The following IRX1 variants were observed in gnomAD, a reference collection of about 807,000 sequenced individuals.
The protein encoded by IRX1 is iroquois homeobox 1, also known as iroquois-class homeodomain protein IRX-1.
A neutral mutation model predicts 34.1 loss-of-function variants in IRX1; 22 were observed. That is an observed-to-expected ratio of 0.64 (90% CI 0.46 to 0.92). The LOEUF (loss-of-function observed/expected upper bound fraction) is 0.92, where lower values mean the gene tolerates loss of function less well. Among genes scored for constraint, IRX1 ranks in the 40% least tolerant of loss-of-function variants. The pLI is 0.00. For missense variants in IRX1, 758 were observed against 680.0 expected (o/e 1.11, Z -1.28); for synonymous variants, 363 against 319.0 (o/e 1.14, Z -1.47).
Position 3,599,168 on chromosome 5 carries a change from CTT to C in IRX1, c.277-55_277-54del. The C allele has an allele frequency of 1.3e-6, 2 of 1,525,978 alleles. No homozygotes were observed. Among genetic ancestry groups the C allele is most frequent in the African/African-American group, 1.4e-5 (1 of 72,916 alleles). The allele number at this position is 1,525,978 out of a possible 1,614,324, so 94.5% of individuals were successfully genotyped here. A position where few individuals can be genotyped will look rare whatever the true frequency, so the allele number is the denominator to read the frequency against. On this transcript the variant is annotated intron_variant, in intron 1 of 3. Transcript: ENST00000302006. The surrounding 1 kb of genome is among the most constrained non-coding windows in gnomAD (Gnocchi z 6.6). Reference sequence around the variant, plus strand: ...GACTCATGTCTCTCTCTCTCTCTCCCTTTCTCTCTCCACTTCCCTCCTCTCTC... The same window carrying C: ...GACTCATGTCTCTCTCTCTCTCTCCCTCTCTCTCCACTTCCCTCCTCTCTC...
Position 3,600,652 on chromosome 5 carries a change from A to G in IRX1, c.1356A>G (p.Leu452=). Residue 452 remains leucine (L), a synonymous_variant, in exon 3 of 4, where the codon TTA becomes TTG. Coordinates refer to ENST00000302006, the MANE Select transcript of IRX1 (RefSeq NM_024337.4). ...GGCCAGATTCGCCGGCACAGCAGTT[A>G]AAGTCGCCCTTCCAGCCGGTACGCG... is the stretch of plus-strand genomic sequence containing the variant. The part of the protein sequence containing the change: ...VPRPDSPAQQ[L]KSPFQPVRDN... The G allele has an allele frequency of 6.2e-7, 1 of 1,613,814 alleles. No individual in the cohort carries two copies. The highest frequency in any genetic ancestry group is 8.5e-7 in the Non-Finnish European group (1 of 1,179,958).
Position 3,599,565 on chromosome 5 carries a change from T to G in IRX1, c.617T>G (p.Phe206Cys), listed in dbSNP as rs1733896665. The G allele has an allele frequency of 6.2e-7, 1 of 1,613,708 alleles. No individual in the cohort carries two copies. The highest frequency in any genetic ancestry group is 8.5e-7 in the Non-Finnish European group (1 of 1,179,938). ...AAGGACCAGGAAGATGGAGCGCTCT[T>G]CGGCAGCGACACCGAGGGCGACCCG... ...RSKDQEDGALFGSDTEGDPEK... is the reference protein window; with the variant it reads ...RSKDQEDGALCGSDTEGDPEK... The change falls in exon 2 of 4, where the codon TTC (phenylalanine) becomes TGC (cysteine). Residue 206 changes from phenylalanine to cysteine, a missense_variant. This residue lies in a region of IRX1 where 529 missense variants were observed against 418.8 expected (regional missense o/e 1.26). Transcript: ENST00000302006. The surrounding 1 kb of genome is among the most constrained non-coding windows in gnomAD (Gnocchi z 6.6).
rs1250835220 is a variant in IRX1, at chr5:3,600,253, G to C, written c.1305G>C (p.Thr435=). ...AGGCCTCGGTCCGCAGCAGCCCCACGCTCCCAGGTACAGCTCCAGGCCGCG... is the reference window on the plus strand; with the variant it reads ...AGGCCTCGGTCCGCAGCAGCCCCACCCTCCCAGGTACAGCTCCAGGCCGCG... ...GDKASVRSSP[T]LPERDLVPRP... The change falls in exon 2 of 4, where the codon ACG becomes ACC. Residue 435 remains threonine, a synonymous_variant. Coordinates refer to ENST00000302006, the MANE Select transcript of IRX1 (RefSeq NM_024337.4). 3.1e-6 allele frequency: 5 copies of C among 1,590,160 alleles called. No homozygotes were observed. The highest frequency in any genetic ancestry group is 4.3e-6 in the Non-Finnish European group (5 of 1,171,752).
At chr5:3,596,402 C>A in intron 1 of IRX1, 21 bp downstream of exon 1, 3 of 1,491,906 alleles carry the variant, frequency 2.0e-6, no homozygotes, top group Non-Finnish European at 2.7e-6. Flanking sequence ...CCGGCCTCCC[C>A]CGCTTCTCCT....
intron 1 of IRX1, among the ~76,000 whole-genome samples, chr5:3,597,635 C>T (rs1374445953): frequency 6.6e-6 from 1 of 152,226 alleles, no homozygotes; most frequent in Non-Finnish European, 1.5e-5. Flanking sequence ...AAAAAGAATT[C>T]CCAGTGGAGA....
At chr5:3,598,861 G>A (rs1369348581) in intron 1 of IRX1, among the ~76,000 whole-genome samples, 1 of 152,202 alleles carries the variant, frequency 6.6e-6, no homozygotes, top group Non-Finnish European at 1.5e-5. Flanking sequence ...AGCGGTTGGT[G>A]GTGGGGACAG....
intron 1 of IRX1, among the ~76,000 whole-genome samples, chr5:3,598,344 C>T (rs1287751758): frequency 6.6e-6 from 1 of 152,142 alleles, no homozygotes; most frequent in Non-Finnish European, 1.5e-5. Flanking sequence ...AATAAATCAG[C>T]GCCTCTAAAT....
intron 1 of IRX1, among the ~76,000 whole-genome samples, chr5:3,598,950 A>G (rs1733868008): frequency 6.6e-6 from 1 of 152,104 alleles, no homozygotes; most frequent in East Asian, 1.9e-4. Flanking sequence ...GAACTTTTCT[A>G]GAGTGGCAAA....
Position 3,596,040 on chromosome 5 carries a change from C to G in IRX1, c.-66C>G, listed in dbSNP as rs1406450272. 5.0e-6 allele frequency: 5 copies of G among 995,792 alleles called. No individual in the cohort carries two copies. The highest frequency in any genetic ancestry group is 6.0e-6 in the Non-Finnish European group (5 of 831,420). 61.7% of individuals were successfully genotyped at this position (995,792 alleles called of 1,614,324 possible). A position where few individuals can be genotyped will look rare whatever the true frequency, so the allele number is the denominator to read the frequency against. ...GGCGCCCCCTGCAACCCCCTCCGGC[C>G]GGCCTCCGCCTCCCTCCCCGCGCCT... On this transcript the variant is annotated 5_prime_UTR_variant, in exon 1 of 4. Transcript: ENST00000302006.
chr5:3,600,843 T>A, intron 3 of IRX1, 140 bp from the exon 4 acceptor site: 2 of 1,154,376 alleles, frequency 1.7e-6, no homozygotes, highest in South Asian at 1.3e-5. Flanking sequence ...CCGAGGAGAC[T>A]GGAGTTTCTC....
In IRX1 at chr5:3,599,019, C is replaced by T. The variant is rs919358206; in HGVS notation, c.277-206C>T. Among the ~76,000 whole-genome samples, 1 of 152,116 alleles carries T rather than the reference C, an allele frequency of 6.6e-6. No homozygotes were observed. The highest frequency in any genetic ancestry group is 2.4e-5 in the African/African-American group (1 of 41,418). On this transcript the variant is annotated intron_variant, in intron 1 of 3. Coordinates refer to ENST00000302006, the MANE Select transcript of IRX1 (RefSeq NM_024337.4). This position sits in a 1 kb window ranked among gnomAD's most constrained non-coding sequence, Gnocchi z 6.6. ...TGAAGTCAGCTCATGGTCCTGGCTC[C>T]CCTTCTCCCCAGCAGTGAACTGGGG...
chr5:3,597,938 G>T (rs1213950627), intron 1 of IRX1, among the ~76,000 whole-genome samples: 1 of 152,194 alleles, frequency 6.6e-6, no homozygotes, highest in Non-Finnish European at 1.5e-5. Flanking sequence ...GTTTGCGGGG[G>T]AGGGAGAGAG....
At chr5:3,600,379 T>C in intron 2 of IRX1, 119 bp downstream of exon 2, 1 of 1,067,090 alleles carries the variant, frequency 9.4e-7, no homozygotes, top group South Asian at 1.7e-5. Context: ...CGCTGAGCCC[T>C]GGGGCTGCGC....
intron 2 of IRX1, 30 bp from the exon 3 acceptor site, chr5:3,600,579 C>T: frequency 1.9e-6 from 3 of 1,597,188 alleles, no homozygotes; most frequent in East Asian, 4.5e-5. Flanking sequence ...GTCTCTCCGT[C>T]CTAACTCTGC....
chr5:3,600,150 C>T lies in IRX1; in HGVS notation c.1202C>T (p.Pro401Leu). 1.9e-6 allele frequency: 3 copies of T among 1,613,160 alleles called. No homozygotes were observed. The part of the protein sequence containing the change: ...FLGVGAPHAA[P>L]HGPHLPAPPP... ...GGCGTTGGCGCTCCCCACGCCGCGCCCCATGGCCCTCACCTTCCTGCACCT... is the reference window on the plus strand; with the variant it reads ...GGCGTTGGCGCTCCCCACGCCGCGCTCCATGGCCCTCACCTTCCTGCACCT... The change falls in exon 2 of 4, where the codon CCC becomes CTC. Residue 401 changes from proline (P) to leucine (L), a missense_variant. Pro to Leu is a moderately conservative substitution (Grantham distance 98). Coordinates refer to ENST00000302006, the MANE Select transcript of IRX1 (RefSeq NM_024337.4).
At chr5:3,600,754 G>A (rs1733942771) in intron 3 of IRX1, 73 bp downstream of exon 3, 4 of 1,431,530 alleles carry the variant, frequency 2.8e-6, no homozygotes, top group Non-Finnish European at 3.9e-6. Context: ...GGACCCGGGC[G>A]GAGCTGGCTG....
rs1179995260 is a variant in IRX1 at position 3,599,812 on chromosome 5, C to G, written c.864C>G (p.Ala288=). ...QDSPLGLAKE[A]PEPGSTRLLS... is the part of the protein sequence containing the mutation. ...CGCCCTTGGGCCTGGCAAAGGAGGCCCCAGAGCCGGGCAGCACGCGCCTGC... is the reference window on the plus strand; with the variant it reads ...CGCCCTTGGGCCTGGCAAAGGAGGCGCCAGAGCCGGGCAGCACGCGCCTGC... Residue 288 remains alanine (A), a synonymous_variant, in exon 2 of 4, where the codon GCC becomes GCG. Coordinates refer to ENST00000302006, the MANE Select transcript of IRX1 (RefSeq NM_024337.4). The surrounding 1 kb of genome is among the most constrained non-coding windows in gnomAD (Gnocchi z 6.6). 3 of 1,583,986 alleles carry G rather than the reference C, an allele frequency of 1.9e-6. No individual in the cohort carries two copies. Among genetic ancestry groups the G allele is most frequent in the Non-Finnish European group, 2.6e-6 (3 of 1,166,550 alleles).
Position 3,601,243 on chromosome 5 carries a change from C to G in IRX1, c.*203C>G, listed in dbSNP as rs571143698. On this transcript the variant is annotated 3_prime_UTR_variant, in exon 4 of 4. Transcript: ENST00000302006. ...GTCCAGGTGGCCAGGCCTCTGCCGG[C>G]GGCTCCAGTGGCTGCGATTATCGGG... 3.3e-6 allele frequency: 2 copies of G among 599,432 alleles called. No individual in the cohort carries two copies. Among genetic ancestry groups the G allele is most frequent in the Non-Finnish European group, 6.0e-6 (2 of 335,894 alleles). The allele number at this position is 599,432 out of a possible 1,614,324, so 37.1% of individuals were successfully genotyped here. A position where few individuals can be genotyped will look rare whatever the true frequency, so the allele number is the denominator to read the frequency against.
chr5:3,601,204 G>T lies in IRX1; in HGVS notation c.*164G>T, dbSNP rs563684019. 6 of 694,418 alleles carry T rather than the reference G, an allele frequency of 8.6e-6. No homozygotes were observed. Among genetic ancestry groups the T allele is most frequent in the Admixed American group, 4.7e-5 (2 of 42,198 alleles). 43.0% of individuals were successfully genotyped at this position (694,418 alleles called of 1,614,324 possible). ...GCTTTCTGCAGAAAGGGGCTTCTTCGGTCCCGAGCTCGCGTCCAGGTGGCC... is the reference window on the plus strand; with the variant it reads ...GCTTTCTGCAGAAAGGGGCTTCTTCTGTCCCGAGCTCGCGTCCAGGTGGCC... On this transcript the variant is annotated 3_prime_UTR_variant, in exon 4 of 4. Transcript: ENST00000302006.
Sources: allele counts gnomAD v4.1 joint callset (sites outside exome capture counted in the v4.1 genomes callset), GRCh38; gene constraint gnomAD v4.1.1; regional missense constraint gnomAD v4.1.1; non-coding constraint Gnocchi (gnomAD v3.1); transcripts MANE v1.5; gene names NCBI Gene and HGNC (gene_info 2026-07-23, HGNC 2026-07-21).